The following RHOG variants were observed in gnomAD, a reference collection of about 807,000 sequenced individuals.
RHOG encodes ras homolog family member G.
RHOG carries 1 observed loss-of-function variant against 12.3 expected under a neutral mutation model. The observed-to-expected ratio is 0.08, with a 90% CI of 0.03 to 0.39. The LOEUF (loss-of-function observed/expected upper bound fraction) is 0.39, where lower values mean the gene tolerates loss of function less well. RHOG is among the 10% of genes least tolerant of loss of function. The pLI, the probability that RHOG is intolerant of heterozygous loss-of-function variation, is 0.99. For missense variants in RHOG, 114 were observed against 266.2 expected, an observed-to-expected ratio of 0.43 and a Z score of 3.98; for synonymous variants, 129 against 116.0, an observed-to-expected ratio of 1.11 and a Z score of -0.72.
At position 3,827,547 on chromosome 11, in the gene RHOG, A is replaced by G. The variant is rs2135130922; in HGVS notation, c.*16T>C. The G allele has an allele frequency of 6.3e-7, 1 of 1,591,868 alleles. No homozygotes were observed. Among genetic ancestry groups the G allele is most frequent in the Non-Finnish European group, 8.5e-7 (1 of 1,171,878 alleles). ...TGGGGGGAGGGCAGGGGCAGCCTCC[A>G]AGCCAAGTGCCAGGGTCACAAGAGG... On this transcript the variant is annotated 3_prime_UTR_variant, in exon 2 of 2. Coordinates refer to ENST00000351018, the MANE Select transcript of RHOG (RefSeq NM_001665.4). This position sits in a 1 kb window ranked among gnomAD's most constrained non-coding sequence, Gnocchi z 7.3.
chr11:3,838,046 G>C (rs530637779), intron 1 of RHOG, among the ~76,000 whole-genome samples: 2 of 152,332 alleles, frequency 1.3e-5, no homozygotes, highest in African/African-American at 4.8e-5. Context: ...CCCAGGCTTT[G>C]TCTTTGGTTT....
intron 1 of RHOG, among the ~76,000 whole-genome samples, chr11:3,839,602 A>AACGCAAACACACACACACACAC (rs2090178896): frequency 7.1e-6 from 1 of 141,598 alleles, no homozygotes; most frequent in African/African-American, 2.6e-5. Flanking sequence ...CACACACGCA[A>AACGCAAACACACACACACACAC]ACACACACAC....
intron 1 of RHOG, among the ~76,000 whole-genome samples, chr11:3,838,948 A>T (rs1469916306): frequency 6.6e-6 from 1 of 152,176 alleles, no homozygotes; most frequent in Non-Finnish European, 1.5e-5. Flanking sequence ...AGGGGTCAGT[A>T]GAACTCCAGA....
At chr11:3,830,676 TAAGA>T (rs1365281738) in intron 1 of RHOG, 5 of 109,972 alleles carry the variant, frequency 4.5e-5, no homozygotes, top group African/African-American at 1.7e-4. Flanking sequence ...AAATAAAAAG[TAAGA>T]GTTAATAATG....
rs114089747 is a variant in RHOG at position 3,828,432 on chromosome 11, A to G, written c.-68-226T>C. Among the ~76,000 whole-genome samples the G allele has an allele frequency of 2.2e-3, 339 of 152,286 alleles. 2 individuals carry two copies. Among genetic ancestry groups the G allele is most frequent in the African/African-American group, 7.7e-3 (321 of 41,564 alleles). The stretch of plus-strand genomic sequence containing the variant: ...GCACATAAACTCTGGCGCCAGACAA[A>G]CTAAGGTCAAATCCTGATTTTGCTA... On this transcript the variant is annotated intron_variant, in intron 1 of 1. Coordinates refer to ENST00000351018, the MANE Select transcript of RHOG (RefSeq NM_001665.4).
chr11:3,833,018 C>T (rs528225511), intron 1 of RHOG, among the ~76,000 whole-genome samples: 2 of 151,970 alleles, frequency 1.3e-5, no homozygotes, highest in African/African-American at 4.8e-5. Context: ...GTAGCCACTG[C>T]ACTCCAGCCT....
Position 3,828,663 on chromosome 11 carries a change from A to G in RHOG, c.-68-457T>C, listed in dbSNP as rs771100520. 2.0e-4 allele frequency among the ~76,000 whole-genome samples: 27 copies of G among 136,016 alleles called. 1 individual carries two copies. Among genetic ancestry groups the G allele is most frequent in the South Asian group, 1.1e-3 (5 of 4,478 alleles). The allele number at this position is 136,016 out of a possible 152,430, so 89.2% of individuals were successfully genotyped here. On this transcript the variant is annotated intron_variant, in intron 1 of 1. Coordinates refer to ENST00000351018, the MANE Select transcript of RHOG (RefSeq NM_001665.4). The stretch of plus-strand genomic sequence containing the variant: ...TTTTGAGACAGAGTCTCACTCTGTC[A>G]CCCAGGCTGGAGTGCAGTGGCGTCA...
In RHOG at chr11:3,840,910, G is replaced by C. The variant is rs1189468602; in HGVS notation, c.-85C>G. On this transcript the variant is annotated 5_prime_UTR_variant, in exon 1 of 2. Coordinates refer to ENST00000351018, the MANE Select transcript of RHOG (RefSeq NM_001665.4). ...GGGCCTCACCTGGTGCCCTCCCCGA[G>C]GCGGGGGAGCTGGGGGCGGCGGCAG... 6.6e-6 allele frequency: 1 copy of C among 152,224 alleles called. No homozygotes were observed. Among genetic ancestry groups the C allele is most frequent in the Non-Finnish European group, 1.5e-5 (1 of 68,102 alleles). The allele number at this position is 152,224 out of a possible 1,614,324, so 9.4% of individuals were successfully genotyped here. A position where few individuals can be genotyped will look rare whatever the true frequency, so the allele number is the denominator to read the frequency against.
At chr11:3,832,818 CA>C (rs1282334416) in intron 1 of RHOG, among the ~76,000 whole-genome samples, 1 of 152,182 alleles carries the variant, frequency 6.6e-6, no homozygotes, top group Non-Finnish European at 1.5e-5. Context: ...GTCAGTGCTG[CA>C]GGACACCAAA....
At chr11:3,838,503 C>CCTTCTCTAA (rs1265793278) in intron 1 of RHOG, among the ~76,000 whole-genome samples, 3 of 123,924 alleles carry the variant, frequency 2.4e-5, no homozygotes, top group African/African-American at 9.5e-5. Context: ...GTATGCACAT[C>CCTTCTCTAA]CTTCTCTAAC....
intron 1 of RHOG, among the ~76,000 whole-genome samples, chr11:3,837,497 C>T (rs190371342): frequency 6.6e-6 from 1 of 152,268 alleles, no homozygotes; most frequent in Admixed American, 6.5e-5. Context: ...GAGTGAGGGG[C>T]ACTGCTATGA....
intron 1 of RHOG, among the ~76,000 whole-genome samples, chr11:3,836,145 G>A (rs1382343392): frequency 2.1e-4 from 32 of 151,676 alleles, no homozygotes; most frequent in Non-Finnish European, 1.0e-4. Context: ...TTGAGATCAG[G>A]AGTTCGAAAC....
intron 1 of RHOG, among the ~76,000 whole-genome samples, chr11:3,835,766 A>G (rs897629753): frequency 3.9e-5 from 6 of 152,214 alleles, no homozygotes; most frequent in Non-Finnish European, 8.8e-5. Context: ...GACTGGGAAT[A>G]TCCGAGGACC....
At chr11:3,832,889 T>C (rs1018370737) in intron 1 of RHOG, among the ~76,000 whole-genome samples, 1 of 152,086 alleles carries the variant, frequency 6.6e-6, no homozygotes, top group Non-Finnish European at 1.5e-5. Context: ...AAGTGGCTTT[T>C]TCAAAAGAAT....
rs770573794 is a variant in RHOG at position 3,828,034 on chromosome 11, G to A, written c.105C>T (p.Thr35=). 6 of 1,614,148 alleles carry A rather than the reference G, an allele frequency of 3.7e-6. No individual in the cohort carries two copies. The highest frequency in any genetic ancestry group is 2.2e-5 in the East Asian group (1 of 44,904). Residue 35 remains threonine, a synonymous_variant, in exon 2 of 2, where the codon ACC becomes ACT. Transcript: ENST00000351018. The part of the protein sequence containing the change: ...TNAFPKEYIP[T]VFDNYSAQSA... ...TCTGCGCGCTGTAATTGTCGAACAC[G>A]GTGGGGATGTACTCTTTGGGGAAAG...
At chr11:3,832,975 T>C (rs951413773) in intron 1 of RHOG, among the ~76,000 whole-genome samples, 2 of 151,980 alleles carry the variant, frequency 1.3e-5, no homozygotes, top group Non-Finnish European at 2.9e-5. Context: ...AGGGTTGTAG[T>C]GTGTACACTA....
intron 1 of RHOG, among the ~76,000 whole-genome samples, chr11:3,830,019 T>C (rs1194436892): frequency 6.6e-6 from 1 of 152,212 alleles, no homozygotes; most frequent in Non-Finnish European, 1.5e-5. Flanking sequence ...AGTGCTGGGA[T>C]TACAGGCATG....
Position 3,827,146 on chromosome 11 carries a change from C to G in RHOG, c.*417G>C, listed in dbSNP as rs1317451189. 4.9e-6 allele frequency: 1 copy of G among 202,228 alleles called. No homozygotes were observed. The highest frequency in any genetic ancestry group is 1.2e-4 in the East Asian group (1 of 8,224). The allele number at this position is 202,228 out of a possible 1,614,324, so 12.5% of individuals were successfully genotyped here. On this transcript the variant is annotated 3_prime_UTR_variant, in exon 2 of 2. Coordinates refer to ENST00000351018, the MANE Select transcript of RHOG (RefSeq NM_001665.4). This position sits in a 1 kb window ranked among gnomAD's most constrained non-coding sequence, Gnocchi z 7.3. The stretch of plus-strand genomic sequence containing the variant: ...CTCCCTCATTGGAGAAGGGAGAGAG[C>G]ATCTTGGGGGCGCAATTCCAAGAGC...
At chr11:3,838,144 G>T (rs1286933615) in intron 1 of RHOG, among the ~76,000 whole-genome samples, 1 of 152,176 alleles carries the variant, frequency 6.6e-6, no homozygotes, top group Non-Finnish European at 1.5e-5. Flanking sequence ...GTGGGCCTGA[G>T]CCCCCTTCTT....
Sources: gnomAD v4.1 joint callset for allele counts (sites outside exome capture counted in the v4.1 genomes callset) on GRCh38, gnomAD v4.1.1 for gene constraint, Gnocchi (gnomAD v3.1) non-coding constraint, MANE v1.5 for transcripts, NCBI Gene and HGNC (gene_info 2026-07-23, HGNC 2026-07-21) for gene names.